KIF21B: variants seen among roughly 807,000 people sequenced by gnomAD.
KIF21B encodes the protein kinesin-like protein KIF21B.
Under a neutral mutation model 192.9 loss-of-function variants are expected in KIF21B, and 85 were observed. That is an observed-to-expected ratio of 0.44 (90% CI 0.37 to 0.53). KIF21B has a LOEUF of 0.53. Ranked by LOEUF, KIF21B falls within the 20% of genes least tolerant of loss-of-function variation. The pLI is 0.00. For missense variants in KIF21B, 1,716 were observed against 2,194.8 expected, an observed-to-expected ratio of 0.78 and a Z score of 4.36; for synonymous variants, 832 against 884.6, an observed-to-expected ratio of 0.94 and a Z score of 1.05.
chr1:200,989,843 C>G, intron 21 of KIF21B, 99 bp downstream of exon 21: 1 of 888,944 alleles, frequency 1.1e-6, no homozygotes, highest in South Asian at 1.5e-5. Flanking sequence ...GTGAGTGACG[C>G]AGGTGAGGAG....
At chr1:200,996,777 G>A (rs1004667300) in intron 14 of KIF21B, among the ~76,000 whole-genome samples, 1 of 152,132 alleles carries the variant, frequency 6.6e-6, no homozygotes, top group African/African-American at 2.4e-5. Context: ...AAGACAGAAT[G>A]GTGTGGGCCA....
chr1:200,983,080 T>C lies in KIF21B; in HGVS notation c.3818A>G (p.Asp1273Gly). ...CCTCAGGACCTCCGACAAAGAGGAGTCGCTGTCATCAGACCTGGGGAGGGC... is the reference window on the plus strand; with the variant it reads ...CCTCAGGACCTCCGACAAAGAGGAGCCGCTGTCATCAGACCTGGGGAGGGC... The part of the protein sequence containing the change: ...GSALDKSDDS[D>G]SSLSEVLRGI... The change falls in exon 28 of 35, where the codon GAC (aspartate) becomes GGC (glycine). Residue 1273 changes from aspartate (D) to glycine (G), a missense_variant. Coordinates refer to ENST00000461742, the MANE Select transcript of KIF21B (RefSeq NM_001252102.2). The C allele has an allele frequency of 6.5e-7, 1 of 1,533,682 alleles. No homozygotes were observed. The highest frequency in any genetic ancestry group is 1.2e-5 in the South Asian group (1 of 83,930).
intron 1 of KIF21B, among the ~76,000 whole-genome samples, chr1:201,020,692 T>C (rs934158596): frequency 1.3e-5 from 2 of 152,150 alleles, no homozygotes; most frequent in African/African-American, 4.8e-5. Context: ...AGGCCTTCAC[T>C]GAAGCGTTTC....
intron 28 of KIF21B, among the ~76,000 whole-genome samples, chr1:200,981,475 G>C (rs182274256): frequency 6.6e-6 from 1 of 151,532 alleles, no homozygotes; most frequent in Non-Finnish European, 1.5e-5. Context: ...CAGAGGCCCA[G>C]GGGCTGGAAC....
chr1:201,008,659 T>C (rs781353469), intron 3 of KIF21B, 110 bp downstream of exon 3: 21 of 1,016,772 alleles, frequency 2.1e-5, no homozygotes, highest in Non-Finnish European at 2.7e-5. Context: ...CACCTGGAGA[T>C]GCCCCCATGG....
chr1:201,021,966 C>T (rs765103342), intron 1 of KIF21B, among the ~76,000 whole-genome samples: 3 of 152,222 alleles, frequency 2.0e-5, no homozygotes, highest in Non-Finnish European at 2.9e-5. Flanking sequence ...GGCCCCGCCC[C>T]AGTCAGCCCA....
At chr1:200,974,112 C>T (rs1222919024) in intron 34 of KIF21B, 21 of 1,608,152 alleles carry the variant, frequency 1.3e-5, no homozygotes, top group East Asian at 2.2e-5. Context: ...AGGGTGGTGG[C>T]GCGGCCCTTT....
At position 200,974,756 on chromosome 1, in the gene KIF21B, T is replaced by C. The variant is rs1482786468; in HGVS notation, c.4772A>G (p.Asn1591Ser). Residue 1591 changes from asparagine to serine, a missense_variant, in exon 34 of 35, where the codon AAT becomes AGT. Transcript: ENST00000461742. ...ATGCTTGGCATTGGTGCAGATGGCATTGATGGGACTGTCGTGGCCCTTGAT... is the reference window on the plus strand; with the variant it reads ...ATGCTTGGCATTGGTGCAGATGGCACTGATGGGACTGTCGTGGCCCTTGAT... Reference protein sequence around the residue: ...GEIKGHDSPINAICTNAKHIF... With the variant: ...GEIKGHDSPISAICTNAKHIF... The C allele has an allele frequency of 1.2e-6, 2 of 1,614,202 alleles. No individual in the cohort carries two copies. Among genetic ancestry groups the C allele is most frequent in the South Asian group, 2.2e-5 (2 of 91,084 alleles).
intron 28 of KIF21B, among the ~76,000 whole-genome samples, chr1:200,981,344 C>G (rs1023911019): frequency 6.6e-6 from 1 of 152,202 alleles, no homozygotes; most frequent in Non-Finnish European, 1.5e-5. Flanking sequence ...GGAAGCAAAC[C>G]CGGTGTTAGG....
At chr1:200,987,526 G>A (rs1410744179) in intron 24 of KIF21B, among the ~76,000 whole-genome samples, 2 of 152,178 alleles carry the variant, frequency 1.3e-5, no homozygotes, top group African/African-American at 4.8e-5. Context: ...TTACAGGCAT[G>A]AGCCACCACA....
At chr1:201,011,061 G>A (rs1473979358) in intron 1 of KIF21B, among the ~76,000 whole-genome samples, 1 of 152,218 alleles carries the variant, frequency 6.6e-6, no homozygotes, top group African/African-American at 2.4e-5. Context: ...CCCAAAGGAG[G>A]TCACCACATT....
At chr1:201,001,109 G>GAAAAAAA (rs57228721) in intron 9 of KIF21B, among the ~76,000 whole-genome samples, 1 of 117,054 alleles carries the variant, frequency 8.5e-6, no homozygotes, top group Non-Finnish European at 1.8e-5. Context: ...CTCCGTCTCA[G>GAAAAAAA]AAAAAAAAAA....
intron 16 of KIF21B, 91 bp from the exon 17 acceptor site, chr1:200,991,816 C>T (rs1656720770): frequency 7.5e-7 from 1 of 1,341,620 alleles, no homozygotes; most frequent in African/African-American, 1.5e-5. Context: ...TAGTTGAAAG[C>T]CTGGGCTTCA....
chr1:200,981,949 T>C (rs146740025), intron 28 of KIF21B, among the ~76,000 whole-genome samples: 10 of 152,256 alleles, frequency 6.6e-5, no homozygotes, highest in African/African-American at 2.4e-4. Context: ...GGCTGAGTCA[T>C]GTCTGAAAAT....
At position 200,984,989 on chromosome 1, in the gene KIF21B, G is replaced by C. The variant is rs1255599399; in HGVS notation, c.3690-17C>G. ...TCTGTGGACCTGGTGAGTCGGGACA[G>C]AGGGCAGCCTGTTAGTGACCACCCC... is the stretch of plus-strand genomic sequence containing the variant. On this transcript the variant is annotated splice_polypyrimidine_tract_variant and intron_variant, in intron 26 of 34. Coordinates refer to ENST00000461742, the MANE Select transcript of KIF21B (RefSeq NM_001252102.2). The C allele has an allele frequency of 6.3e-7, 1 of 1,585,630 alleles. No homozygotes were observed. Among genetic ancestry groups the C allele is most frequent in the Non-Finnish European group, 8.6e-7 (1 of 1,161,582 alleles).
intron 15 of KIF21B, among the ~76,000 whole-genome samples, chr1:200,994,621 T>C (rs974946517): frequency 2.0e-5 from 3 of 152,358 alleles, no homozygotes; most frequent in Admixed American, 2.0e-4. Context: ...TTTGCCAGGC[T>C]TCAGAGCCAT....
chr1:200,983,020 G>A, intron 28 of KIF21B, 36 bp downstream of exon 28: 1 of 1,529,800 alleles, frequency 6.5e-7, no homozygotes, highest in East Asian at 2.4e-5. Flanking sequence ...GAGAGTGAGA[G>A]TGGGGAACCA....
chr1:201,006,221 A>C (rs1657813626), intron 3 of KIF21B, among the ~76,000 whole-genome samples: 1 of 152,216 alleles, frequency 6.6e-6, no homozygotes, highest in African/African-American at 2.4e-5. Context: ...GTGGGCATGG[A>C]GAGCACGCCA....
chr1:201,005,575 G>A lies in KIF21B; in HGVS notation c.567C>T (p.Val189=). The change falls in exon 4 of 35, where the codon GTC becomes GTT. Residue 189 remains valine (V), a synonymous_variant. Coordinates refer to ENST00000461742, the MANE Select transcript of KIF21B (RefSeq NM_001252102.2). ...DANGGIYTTG[V]TSRLIHSQEE... ...CCTGGGAGTGGATGAGGCGAGAAGT[G>A]ACGCCAGTGGTGTAGATGCCACCGT... 6.2e-7 allele frequency: 1 copy of A among 1,614,128 alleles called. No homozygotes were observed.
Sources: gnomAD v4.1 joint callset for allele counts (sites outside exome capture counted in the v4.1 genomes callset) on GRCh38, gnomAD v4.1.1 for gene constraint, MANE v1.5 for transcripts, NCBI Gene and HGNC (gene_info 2026-07-23, HGNC 2026-07-21) for gene names.